Variants in DGKG observed in about 807,000 individuals in gnomAD.
The protein encoded by DGKG is DAG kinase gamma.
Under a neutral mutation model 105.3 loss-of-function variants are expected in DGKG, and 78 were observed. The observed-to-expected ratio is 0.74, with a 90% CI of 0.62 to 0.89. The LOEUF is 0.89. Ranked by LOEUF, DGKG falls within the 40% of genes least tolerant of loss-of-function variation. The pLI, the probability that DGKG is intolerant of heterozygous loss-of-function variation, is 0.00. For synonymous variants in DGKG, 346 were observed against 367.1 expected (o/e 0.94, Z 0.66); for missense variants, 958 against 1,020.1 (o/e 0.94, Z 0.83).
At chr3:186,360,137 G>C (rs148515508) in intron 1 of DGKG, among the ~76,000 whole-genome samples, 40 of 152,218 alleles carry the variant, frequency 2.6e-4, no homozygotes, top group Non-Finnish European at 4.1e-4. Flanking sequence ...CTCACCATCT[G>C]TTGATGGTGT....
chr3:186,233,490 T>C (rs1427426646), intron 20 of DGKG, among the ~76,000 whole-genome samples: 3 of 152,208 alleles, frequency 2.0e-5, no homozygotes, highest in South Asian at 2.1e-4. Flanking sequence ...TTGTTGTTGT[T>C]GTTTTTTGAG....
chr3:186,355,869 C>T (rs1037679997), intron 1 of DGKG, among the ~76,000 whole-genome samples: 4 of 152,084 alleles, frequency 2.6e-5, no homozygotes, highest in African/African-American at 9.7e-5. Flanking sequence ...ATGTTAATTC[C>T]AGGGAACATT....
chr3:186,187,144 TGAGAA>T (rs1455579517), intron 22 of DGKG, among the ~76,000 whole-genome samples: 1 of 152,206 alleles, frequency 6.6e-6, no homozygotes, highest in Non-Finnish European at 1.5e-5. Flanking sequence ...TGCAGGATTT[TGAGAA>T]GAGGAGTGTC....
intron 17 of DGKG, among the ~76,000 whole-genome samples, chr3:186,257,298 C>T (rs989577963): frequency 3.3e-5 from 5 of 152,248 alleles, no homozygotes; most frequent in Admixed American, 3.3e-4. Context: ...CGAGGACCCA[C>T]AGATCCAGGT....
At chr3:186,297,348 A>G in intron 5 of DGKG, 73 bp downstream of exon 5, 1 of 1,146,612 alleles carries the variant, frequency 8.7e-7, no homozygotes, top group South Asian at 1.2e-5. Context: ...ACTGTTGGTT[A>G]GGTTTCCCCA....
intron 7 of DGKG, among the ~76,000 whole-genome samples, chr3:186,282,079 T>C (rs529332260): frequency 6.6e-6 from 1 of 152,254 alleles, no homozygotes; most frequent in Non-Finnish European, 1.5e-5. Context: ...CTTCAAATAC[T>C]CGAAGGCCTA....
At chr3:186,152,979 T>G (rs1486066307) in intron 24 of DGKG, among the ~76,000 whole-genome samples, 7 of 143,896 alleles carry the variant, frequency 4.9e-5, no homozygotes, top group Non-Finnish European at 1.0e-4. Context: ...TTTTTTTTTT[T>G]TTATTTAGAT....
chr3:186,182,393 C>T (rs1233512435), intron 22 of DGKG, among the ~76,000 whole-genome samples: 2 of 152,212 alleles, frequency 1.3e-5, no homozygotes, highest in African/African-American at 2.4e-5. Flanking sequence ...TGGATGATCT[C>T]ATTTAACCCT....
At chr3:186,354,581 A>T (rs4350910) in intron 1 of DGKG, among the ~76,000 whole-genome samples, 1 of 152,048 alleles carries the variant, frequency 6.6e-6, no homozygotes, top group African/African-American at 2.4e-5. Flanking sequence ...TTTTCTTGCC[A>T]CAGCAGACTT....
intron 20 of DGKG, among the ~76,000 whole-genome samples, chr3:186,237,870 G>A (rs1445502561): frequency 2.0e-5 from 3 of 152,140 alleles, no homozygotes; most frequent in African/African-American, 7.2e-5. Context: ...TATCTTGAAA[G>A]GTTGTTTTGT....
At chr3:186,218,314 C>T (rs1578680100) in intron 20 of DGKG, among the ~76,000 whole-genome samples, 1 of 151,938 alleles carries the variant, frequency 6.6e-6, no homozygotes, top group East Asian at 1.9e-4. Flanking sequence ...ACCATCCTGG[C>T]TAACATGGTG....
intron 2 of DGKG, among the ~76,000 whole-genome samples, chr3:186,316,366 A>C (rs1354778120): frequency 1.3e-5 from 2 of 152,236 alleles, no homozygotes; most frequent in African/African-American, 2.4e-5. Context: ...TTTGTTTTAC[A>C]TGTGTATGTT....
intron 1 of DGKG, among the ~76,000 whole-genome samples, chr3:186,323,051 G>T (rs1457789270): frequency 6.6e-6 from 1 of 152,112 alleles, no homozygotes; most frequent in Non-Finnish European, 1.5e-5. Flanking sequence ...GCCTCCTGCT[G>T]CTCTCCCTGC....
In DGKG at chr3:186,320,551, A is replaced by T; in HGVS notation, c.-92T>A. On this transcript the variant is annotated 5_prime_UTR_variant, in exon 2 of 25. Transcript: ENST00000265022. ...CCCAGCCCAGGGCCTGGCTCATTGCAGGTTTGCGATGTAAGCCTTTCAGGA... is the reference window on the plus strand; with the variant it reads ...CCCAGCCCAGGGCCTGGCTCATTGCTGGTTTGCGATGTAAGCCTTTCAGGA... 1.2e-6 allele frequency: 2 copies of T among 1,603,058 alleles called. No homozygotes were observed. The highest frequency in any genetic ancestry group is 1.7e-6 in the Non-Finnish European group (2 of 1,173,888).
At chr3:186,269,000 A>C in intron 11 of DGKG, 83 bp from the exon 12 acceptor site, 1 of 963,766 alleles carries the variant, frequency 1.0e-6, no homozygotes, top group Non-Finnish European at 1.6e-6. Flanking sequence ...AGGATCTGGG[A>C]GGGGACGCGG....
intron 21 of DGKG, among the ~76,000 whole-genome samples, chr3:186,189,077 T>G (rs1220767056): frequency 6.6e-6 from 1 of 152,128 alleles, no homozygotes; most frequent in Admixed American, 6.6e-5. Context: ...CCTCCCAAAG[T>G]GCTGGGATTA....
chr3:186,264,556 G>A (rs147911734), intron 14 of DGKG, among the ~76,000 whole-genome samples: 4 of 152,290 alleles, frequency 2.6e-5, no homozygotes, highest in Admixed American at 2.0e-4. Flanking sequence ...GAGCCACTGC[G>A]CCCGGCCTTT....
At position 186,165,535 on chromosome 3, in the gene DGKG, C is replaced by T. The variant is rs558157194; in HGVS notation, c.2096-517G>A. Among the ~76,000 whole-genome samples the T allele has an allele frequency of 1.8e-4, 28 of 152,334 alleles. No homozygotes were observed. The Middle Eastern group carries it at 0.01, about 56-fold the overall frequency. On this transcript the variant is annotated intron_variant, in intron 22 of 24. Coordinates refer to ENST00000265022, the MANE Select transcript of DGKG (RefSeq NM_001346.3). ...CCACTGGTGAGCCAGCCTCCTTGGA[C>T]GTCCTCAGGAAAACCAATGACCTCT...
intron 21 of DGKG, among the ~76,000 whole-genome samples, chr3:186,190,983 T>C (rs920193773): frequency 9.9e-5 from 15 of 152,192 alleles, no homozygotes; most frequent in African/African-American, 3.6e-4. Context: ...ATTAGACAGA[T>C]GATGGAATTT....
Sources: allele counts gnomAD v4.1 joint callset (sites outside exome capture counted in the v4.1 genomes callset), GRCh38; gene constraint gnomAD v4.1.1; transcripts MANE v1.5; gene names NCBI Gene and HGNC (gene_info 2026-07-23, HGNC 2026-07-21).